Variants in RSRP1 observed in about 807,000 individuals in gnomAD.
RSRP1 encodes the protein arginine and serine rich protein 1.
A neutral mutation model predicts 33.0 loss-of-function variants in RSRP1; 37 were observed. The ratio of observed to expected loss-of-function variants is 1.12; its 90% confidence interval spans 0.86 to 1.48. RSRP1 has a LOEUF of 1.48. Ranked by LOEUF, RSRP1 falls within the 40% of genes most tolerant of loss-of-function variation. The pLI is 0.00. For synonymous variants in RSRP1, 167 were observed against 158.7 expected, an observed-to-expected ratio of 1.05 and a Z score of -0.40; for missense variants, 402 against 385.3, an observed-to-expected ratio of 1.04 and a Z score of -0.36.
chr1:25,318,568 AC>A lies in RSRP1; in HGVS notation c.-67+19409del, dbSNP rs1334381583. 1.5e-5 allele frequency among the ~76,000 whole-genome samples: 2 copies of A among 131,362 alleles called. 1 individual carries two copies. The highest frequency in any genetic ancestry group is 3.6e-5 in the Non-Finnish European group (2 of 55,504). 86.2% of individuals were successfully genotyped at this position (131,362 alleles called of 152,430 possible). A position where few individuals can be genotyped will look rare whatever the true frequency, so the allele number is the denominator to read the frequency against. On this transcript the variant is annotated intron_variant, in intron 1 of 1. Transcript: ENST00000561867. ...GCACCACTGCCCTCCAGCCTAGGTG[AC>A]AGAGTGAGACTGTCTCAAAAAAAAA...
rs186826335 is a variant in RSRP1, at chr1:25,296,570, G to A, written c.-67+41408C>T. The stretch of plus-strand genomic sequence containing the variant: ...TCAGTGTATATTTCTGATGCAGTTG[G>A]GTTCTGTATCCCCCTCCAATCTCAT... On this transcript the variant is annotated intron_variant, in intron 1 of 1. Transcript: ENST00000561867. 4.6e-5 allele frequency among the ~76,000 whole-genome samples: 6 copies of A among 129,884 alleles called. 1 individual carries two copies. Among genetic ancestry groups the A allele is most frequent in the Admixed American group, 4.5e-4 (6 of 13,410 alleles). 85.2% of individuals were successfully genotyped at this position (129,884 alleles called of 152,430 possible).
At chr1:25,322,357 G>A (rs1644757816) in intron 1 of RSRP1, among the ~76,000 whole-genome samples, 1 of 132,956 alleles carries the variant, frequency 7.5e-6, no homozygotes, top group South Asian at 2.3e-4. Flanking sequence ...CAGATGCTAA[G>A]AGTGGAGACA....
Position 25,290,170 on chromosome 1 carries a change from C to T in RSRP1, c.-66-43141G>A, listed in dbSNP as rs138052904. 9.3e-5 allele frequency among the ~76,000 whole-genome samples: 12 copies of T among 128,950 alleles called. 3 individuals carry two copies. Among genetic ancestry groups the T allele is most frequent in the Middle Eastern group, 7.5e-3 (2 of 268 alleles). 84.6% of individuals were successfully genotyped at this position (128,950 alleles called of 152,430 possible). Reference sequence around the variant, plus strand: ...CAGTTTCTTTCCACTGCCACGGAGACGGAGAGAAGGGACAGTGGCCCCAGA... The same window carrying T: ...CAGTTTCTTTCCACTGCCACGGAGATGGAGAGAAGGGACAGTGGCCCCAGA... On this transcript the variant is annotated intron_variant, in intron 1 of 1. Transcript: ENST00000561867.
chr1:25,304,286 G>A (rs1430510915), intron 1 of RSRP1: 1 of 104,496 alleles, frequency 9.6e-6, no homozygotes, highest in African/African-American at 3.2e-5. Flanking sequence ...GGATGAACAG[G>A]GGCTATTCAG....
chr1:25,314,508 T>G (rs1644331350), intron 1 of RSRP1, among the ~76,000 whole-genome samples: 1 of 132,554 alleles, frequency 7.5e-6, no homozygotes, highest in Admixed American at 7.4e-5. Flanking sequence ...CTTTCTTTCT[T>G]TTTGAAACAG....
intron 1 of RSRP1, among the ~76,000 whole-genome samples, chr1:25,316,089 G>C (rs1402673009): frequency 7.6e-6 from 1 of 131,062 alleles, no homozygotes; most frequent in Non-Finnish European, 1.8e-5. Flanking sequence ...TGCAGTGAAC[G>C]GGCTGGCAGT....
intron 1 of RSRP1, among the ~76,000 whole-genome samples, chr1:25,287,437 G>A (rs1642126918): frequency 7.4e-6 from 1 of 135,270 alleles, no homozygotes; most frequent in Admixed American, 7.1e-5. Context: ...ATCCCCCTAG[G>A]GGTGACCCCT....
chr1:25,276,191 G>T lies in RSRP1; in HGVS notation c.-66-29162C>A, dbSNP rs112066422. Among the ~76,000 whole-genome samples, 15 of 130,632 alleles carry T rather than the reference G, an allele frequency of 1.1e-4. 2 individuals carry two copies. The highest frequency in any genetic ancestry group is 9.0e-4 in the Admixed American group (12 of 13,332). The allele number at this position is 130,632 out of a possible 152,430, so 85.7% of individuals were successfully genotyped here. A position where few individuals can be genotyped will look rare whatever the true frequency, so the allele number is the denominator to read the frequency against. ...AGGTATGATAAAAGCATGGTGGGTT[G>T]TTTTTGTTTTTGTTTTTTAAGTCTC... On this transcript the variant is annotated intron_variant, in intron 1 of 1. Coordinates refer to the RSRP1 transcript ENST00000561867.
At chr1:25,300,549 C>T (rs1339451504) in intron 1 of RSRP1, among the ~76,000 whole-genome samples, 1 of 128,692 alleles carries the variant, frequency 7.8e-6, no homozygotes, top group Non-Finnish European at 1.8e-5. Flanking sequence ...GTGGCTCATG[C>T]CTGTAATCCC....
intron 3 of RSRP1, chr1:25,244,183 G>GC (rs1467008238): frequency 1.6e-6 from 2 of 1,288,590 alleles, no homozygotes; most frequent in Non-Finnish European, 2.0e-6. Context: ...AAACTTATCT[G>GC]CAAGTGAAGC....
chr1:25,285,237 C>T (rs1343703210), intron 1 of RSRP1, among the ~76,000 whole-genome samples: 8 of 132,368 alleles, frequency 6.0e-5, no homozygotes, highest in African/African-American at 5.3e-5. Flanking sequence ...TGGGTTCAAG[C>T]GATTCTCCTG....
In RSRP1 at chr1:25,256,203, G is replaced by A. The variant is rs1007442122; in HGVS notation, c.-66-9174C>T. 5.3e-5 allele frequency among the ~76,000 whole-genome samples: 8 copies of A among 149,982 alleles called. 1 individual carries two copies. Among genetic ancestry groups the A allele is most frequent in the African/African-American group, 1.7e-4 (7 of 40,580 alleles). On this transcript the variant is annotated intron_variant, in intron 1 of 1. Coordinates refer to the RSRP1 transcript ENST00000561867. ...TCTCACTAGCTCTGTTGTCCAGGCC[G>A]GAGTGCAGTGGCGCCATCCTAGCTC...
chr1:25,250,213 G>A (rs1433495724), upstream of RSRP1, among the ~76,000 whole-genome samples: 1 of 152,184 alleles, frequency 6.6e-6, no homozygotes, highest in Non-Finnish European at 1.5e-5. Flanking sequence ...ATCACTAAGA[G>A]ATAAATGCGG....
rs116451902 is a variant in RSRP1, at chr1:25,308,609, A to G, written c.-67+29369T>C. Among the ~76,000 whole-genome samples the G allele has an allele frequency of 3.9e-4, 52 of 132,124 alleles. 10 individuals are homozygous for G. The highest frequency in any genetic ancestry group is 1.3e-3 in the African/African-American group (48 of 38,382). The allele number at this position is 132,124 out of a possible 152,430, so 86.7% of individuals were successfully genotyped here. A position where few individuals can be genotyped will look rare whatever the true frequency, so the allele number is the denominator to read the frequency against. On this transcript the variant is annotated intron_variant, in intron 1 of 1. Transcript: ENST00000561867. The stretch of plus-strand genomic sequence containing the variant: ...ACTGAGTTCAAGCTGTCAAGGAGAC[A>G]TCACTATACATGGACTTGGGAAGAG...
chr1:25,274,206 C>T (rs953834749), intron 1 of RSRP1, among the ~76,000 whole-genome samples: 2 of 131,732 alleles, frequency 1.5e-5, no homozygotes, highest in African/African-American at 2.6e-5. Context: ...TTATGATCTT[C>T]GTTTTTCATA....
rs1458368214 is a variant in RSRP1, at chr1:25,332,023, A to G, written c.-67+5955T>C. ...CCAAAGTGCTGGGATTACAGGCATG[A>G]GCCACCGCGCCCAGCAGATTTTTTT... is the stretch of plus-strand genomic sequence containing the variant. On this transcript the variant is annotated intron_variant, in intron 1 of 1. Coordinates refer to the RSRP1 transcript ENST00000561867. Among the ~76,000 whole-genome samples, 14 of 121,194 alleles carry G rather than the reference A, an allele frequency of 1.2e-4. 3 individuals carry two copies. Among genetic ancestry groups the G allele is most frequent in the Non-Finnish European group, 1.5e-4 (8 of 52,188 alleles). The allele number at this position is 121,194 out of a possible 152,430, so 79.5% of individuals were successfully genotyped here.
chr1:25,330,953 CTTTTTTTTTTTTTTTT>C (rs71014353), intron 1 of RSRP1, among the ~76,000 whole-genome samples: 7 of 34,730 alleles, frequency 2.0e-4, no homozygotes, highest in African/African-American at 6.8e-4. Flanking sequence ...TGTCATCTTC[CTTTTTTTTTTTTTTTT>C]TTTTTTTTTT....
rs1210469108 is a variant in RSRP1 at position 25,302,214 on chromosome 1, G to A, written c.-67+35764C>T. Reference sequence around the variant, plus strand: ...AGTGCTTAACGGGGAGTAAATGGTAGGCAAACATTAGCTGCTGCTATTAGT... The same window carrying A: ...AGTGCTTAACGGGGAGTAAATGGTAAGCAAACATTAGCTGCTGCTATTAGT... On this transcript the variant is annotated intron_variant, in intron 1 of 1. Coordinates refer to the RSRP1 transcript ENST00000561867. Among the ~76,000 whole-genome samples the A allele has an allele frequency of 1.5e-5, 2 of 131,154 alleles. 1 individual carries two copies. Among genetic ancestry groups the A allele is most frequent in the Non-Finnish European group, 3.6e-5 (2 of 55,714 alleles). The allele number at this position is 131,154 out of a possible 152,430, so 86.0% of individuals were successfully genotyped here.
At position 25,329,036 on chromosome 1, in the gene RSRP1, G is replaced by A. The variant is rs373760377; in HGVS notation, c.-67+8942C>T. 3.3e-4 allele frequency: 454 copies of A among 1,376,950 alleles called. 69 individuals carry two copies. The African/African-American group carries it at 4.0e-3, about 12-fold the overall frequency. 85.3% of individuals were successfully genotyped at this position (1,376,950 alleles called of 1,614,324 possible). A position where few individuals can be genotyped will look rare whatever the true frequency, so the allele number is the denominator to read the frequency against. Reference sequence around the variant, plus strand: ...CATGACAGCAAAGTCTCCAATGTTCGCGCAGGCACTGGAGTCAGAGAAAAT... The same window carrying A: ...CATGACAGCAAAGTCTCCAATGTTCACGCAGGCACTGGAGTCAGAGAAAAT... On this transcript the variant is annotated intron_variant, in intron 1 of 1. Transcript: ENST00000561867.
Sources: gnomAD v4.1 joint callset for allele counts (sites outside exome capture counted in the v4.1 genomes callset) on GRCh38, gnomAD v4.1.1 for gene constraint, MANE v1.5 for transcripts, NCBI Gene and HGNC (gene_info 2026-07-23, HGNC 2026-07-21) for gene names.